CNTNAP5: variants seen among roughly 807,000 people sequenced by gnomAD.
CNTNAP5 encodes the protein contactin-associated protein-like 5.
CNTNAP5 carries 72 observed loss-of-function variants against 150.2 expected under a neutral mutation model. The ratio of observed to expected loss-of-function variants is 0.48; its 90% CI spans 0.40 to 0.58. CNTNAP5 has a LOEUF of 0.58. Among genes scored for constraint, CNTNAP5 ranks in the 20% least tolerant of loss-of-function variants. The pLI is 0.00. For synonymous variants in CNTNAP5, 672 were observed against 619.8 expected, an observed-to-expected ratio of 1.08 and a Z score of -1.25; for missense variants, 1,636 against 1,626.2, an observed-to-expected ratio of 1.01 and a Z score of -0.10.
At chr2:124,839,968 T>G (rs1165202958) in intron 19 of CNTNAP5, among the ~76,000 whole-genome samples, 1 of 152,154 alleles carries the variant, frequency 6.6e-6, no homozygotes, top group Non-Finnish European at 1.5e-5. Context: ...TGTGACAAGG[T>G]AAAAAAGTGA....
intron 13 of CNTNAP5, among the ~76,000 whole-genome samples, chr2:124,650,452 A>T (rs920066529): frequency 6.6e-6 from 1 of 152,244 alleles, no homozygotes; most frequent in Admixed American, 6.5e-5. Flanking sequence ...TAACATTTGT[A>T]GCCACATGGA....
intron 12 of CNTNAP5, among the ~76,000 whole-genome samples, chr2:124,637,992 C>T (rs1678006629): frequency 6.6e-6 from 1 of 151,834 alleles, no homozygotes; most frequent in African/African-American, 2.4e-5. Context: ...ATTTGGAAAC[C>T]AAGACCTAGA....
chr2:124,764,517 C>CT (rs1322293340), intron 16 of CNTNAP5, among the ~76,000 whole-genome samples: 4 of 152,138 alleles, frequency 2.6e-5, no homozygotes, highest in Non-Finnish European at 1.5e-5. Context: ...TTAGGGTCTA[C>CT]TTTTTTGCTT....
In CNTNAP5 at chr2:124,790,196, A is replaced by G; in HGVS notation, c.2992+55A>G. 9 of 1,518,086 alleles carry G rather than the reference A, an allele frequency of 5.9e-6. No individual in the cohort carries two copies. The South Asian group carries it at 9.0e-5, about 15-fold the overall frequency. 94.0% of individuals were successfully genotyped at this position (1,518,086 alleles called of 1,614,324 possible). The stretch of plus-strand genomic sequence containing the variant: ...TGCAGTGCTGTATCACCTATACGCT[A>G]TGGTCAGGCCATGTGATACTCACAC... On this transcript the variant is annotated intron_variant, in intron 18 of 23. Transcript: ENST00000682447.
At chr2:124,889,479 C>T (rs1325514089) in intron 21 of CNTNAP5, among the ~76,000 whole-genome samples, 2 of 152,046 alleles carry the variant, frequency 1.3e-5, no homozygotes, top group Non-Finnish European at 1.5e-5. Flanking sequence ...TATGGATAGT[C>T]AGCTATCCCA....
chr2:124,525,090 G>T (rs911357872), intron 9 of CNTNAP5, among the ~76,000 whole-genome samples: 6 of 152,208 alleles, frequency 3.9e-5, no homozygotes, highest in Non-Finnish European at 8.8e-5. Context: ...ACAAGGGCAA[G>T]CTGATGGTGA....
chr2:124,176,679 C>T (rs993421569), intron 1 of CNTNAP5, among the ~76,000 whole-genome samples: 6 of 152,026 alleles, frequency 3.9e-5, no homozygotes, highest in African/African-American at 1.5e-4. Flanking sequence ...CTAATGTTTA[C>T]AGACTGAGAG....
chr2:124,087,799 G>A (rs1682727497), intron 1 of CNTNAP5, among the ~76,000 whole-genome samples: 1 of 149,032 alleles, frequency 6.7e-6, no homozygotes, highest in South Asian at 2.1e-4. Flanking sequence ...GGTTTCTGAT[G>A]GGAAACCTAT....
chr2:124,517,505 G>T (rs1365623089), intron 8 of CNTNAP5, among the ~76,000 whole-genome samples: 1 of 149,456 alleles, frequency 6.7e-6, no homozygotes, highest in Non-Finnish European at 1.5e-5. Context: ...GGAGAGTTGT[G>T]GTTTTGATGA....
intron 1 of CNTNAP5, among the ~76,000 whole-genome samples, chr2:124,206,594 T>A (rs1246030508): frequency 6.6e-6 from 1 of 152,104 alleles, no homozygotes; most frequent in African/African-American, 2.4e-5. Flanking sequence ...AGTAGTAAGA[T>A]GAGGGATAGC....
chr2:124,781,863 T>A (rs2104621294), intron 17 of CNTNAP5, among the ~76,000 whole-genome samples: 1 of 152,286 alleles, frequency 6.6e-6, no homozygotes, highest in African/African-American at 2.4e-5. Context: ...ACAGATAAAT[T>A]AATTCATCAA....
chr2:124,623,412 T>C (rs1378916701), intron 12 of CNTNAP5, among the ~76,000 whole-genome samples: 3 of 152,208 alleles, frequency 2.0e-5, no homozygotes, highest in African/African-American at 7.2e-5. Context: ...TGAATCTTTA[T>C]AAGTTTATAT....
intron 3 of CNTNAP5, among the ~76,000 whole-genome samples, chr2:124,412,622 A>G (rs1344856563): frequency 6.8e-6 from 1 of 146,728 alleles, no homozygotes; most frequent in South Asian, 2.2e-4. Flanking sequence ...AAAAACAAGC[A>G]ATGGGGAAAG....
At chr2:124,355,244 A>G (rs1689967291) in intron 3 of CNTNAP5, among the ~76,000 whole-genome samples, 2 of 151,530 alleles carry the variant, frequency 1.3e-5, no homozygotes, top group Non-Finnish European at 2.9e-5. Flanking sequence ...AAAATGGACC[A>G]AGTAGGTGGA....
intron 3 of CNTNAP5, among the ~76,000 whole-genome samples, chr2:124,286,036 T>C (rs927694658): frequency 1.3e-5 from 2 of 152,210 alleles, no homozygotes; most frequent in Admixed American, 1.3e-4. Context: ...TATTTACTGA[T>C]CTCTCATTAT....
At chr2:124,827,096 A>T (rs2104676145) in intron 19 of CNTNAP5, among the ~76,000 whole-genome samples, 1 of 152,026 alleles carries the variant, frequency 6.6e-6, no homozygotes, top group Middle Eastern at 3.4e-3. Flanking sequence ...AATATTTTTT[A>T]TTATTTCCTT....
chr2:124,269,596 A>G (rs780029), intron 3 of CNTNAP5, among the ~76,000 whole-genome samples: 44,642 of 151,796 alleles, frequency 0.29, 7,181 homozygotes, highest in Admixed American at 0.38. Context: ...TAGTCTGAAC[A>G]CGGAAAGTGA....
intron 3 of CNTNAP5, among the ~76,000 whole-genome samples, chr2:124,276,846 G>A (rs1399729148): frequency 6.6e-6 from 1 of 152,118 alleles, no homozygotes; most frequent in African/African-American, 2.4e-5. Flanking sequence ...CATGTAAAAG[G>A]TTGGAAAACA....
chr2:124,606,904 G>C (rs1042435385), intron 11 of CNTNAP5, among the ~76,000 whole-genome samples: 6 of 152,086 alleles, frequency 3.9e-5, no homozygotes, highest in Admixed American at 2.6e-4. Context: ...TTTGGATGAG[G>C]ACACAGCGAA....
Sources: gnomAD v4.1 joint callset for allele counts (sites outside exome capture counted in the v4.1 genomes callset) on GRCh38, gnomAD v4.1.1 for gene constraint, MANE v1.5 for transcripts, NCBI Gene and HGNC (gene_info 2026-07-23, HGNC 2026-07-21) for gene names.